AGO1: variants seen among roughly 807,000 people sequenced by gnomAD.
The protein encoded by AGO1 is protein argonaute-1.
Under a neutral mutation model 109.2 loss-of-function variants are expected in AGO1, and 11 were observed. That is an observed-to-expected ratio of 0.10 (90% CI 0.06 to 0.17). The LOEUF (loss-of-function observed/expected upper bound fraction) is 0.17, where lower values mean the gene tolerates loss of function less well. AGO1 is among the 10% of genes least tolerant of loss of function. The probability of loss-of-function intolerance (pLI) is 1.00; values close to 1 mark genes in which losing one functional copy is unlikely to be tolerated. For synonymous variants in AGO1, 422 were observed against 418.6 expected, an observed-to-expected ratio of 1.01 and a Z score of -0.10; for missense variants, 574 against 1,140.3, an observed-to-expected ratio of 0.50 and a Z score of 7.15.
In AGO1 at chr1:35,927,482, A is replaced by C. The variant is rs1232591929; in HGVS notation, c.*7875A>C. On this transcript the variant is annotated 3_prime_UTR_variant, in exon 19 of 19. Transcript: ENST00000373204. ...AATTCTGGGAAGGAAATGCTGACAG[A>C]ACCGTGTCTGGCAAAAGAGAGACAG... 2 of 152,164 alleles carry C rather than the reference A, an allele frequency of 1.3e-5. No individual in the cohort carries two copies. The highest frequency in any genetic ancestry group is 6.5e-5 in the Admixed American group (1 of 15,280). 9.4% of individuals were successfully genotyped at this position (152,164 alleles called of 1,614,324 possible).
At chr1:35,918,787 C>T (rs943914417) in intron 17 of AGO1, among the ~76,000 whole-genome samples, 1 of 152,170 alleles carries the variant, frequency 6.6e-6, no homozygotes, top group East Asian at 1.9e-4. Flanking sequence ...AACTCCTGAC[C>T]TCAAGTGATC....
In AGO1 at chr1:35,891,208, T is replaced by C. The variant is rs1057387142; in HGVS notation, c.210-1349T>C. 2.6e-5 allele frequency among the ~76,000 whole-genome samples: 4 copies of C among 152,246 alleles called. No homozygotes were observed. The South Asian group carries it at 6.2e-4, about 24-fold the overall frequency. ...GATTGAAACCATATGATCACAGTGC[T>C]TCTAATGTACCATTTTGAGTTATCC... is the stretch of plus-strand genomic sequence containing the variant. On this transcript the variant is annotated intron_variant, in intron 2 of 18. Coordinates refer to ENST00000373204, the MANE Select transcript of AGO1 (RefSeq NM_012199.5).
chr1:35,902,104 G>A (rs375150561), intron 10 of AGO1, 34 bp downstream of exon 10: 93 of 1,586,412 alleles, frequency 5.9e-5, no homozygotes, highest in Admixed American at 1.0e-4. Flanking sequence ...ACATCTCGGG[G>A]CATATGGGGG....
At chr1:35,895,378 A>C in intron 8 of AGO1, 109 bp downstream of exon 8, 1 of 1,253,466 alleles carries the variant, frequency 8.0e-7, no homozygotes, top group Non-Finnish European at 1.1e-6. Context: ...CATTCTGAGA[A>C]GGTATGAGGT....
Position 35,888,540 on chromosome 1 carries a change from A to G in AGO1, c.139A>G (p.Ile47Val). Reference sequence around the variant, plus strand: ...CCTGGCCAATTACTTTGAGGTGGACATCCCTAAGATCGACGTGTACCACTA... The same window carrying G: ...CCTGGCCAATTACTTTGAGGTGGACGTCCCTAAGATCGACGTGTACCACTA... The part of the protein sequence containing the change: ...KLLANYFEVD[I>V]PKIDVYHYEV... Residue 47 changes from isoleucine to valine, a missense_variant, in exon 2 of 19, where the codon ATC (isoleucine) becomes GTC (valine). Physicochemically the swap from Ile to Val is conservative, Grantham distance 29. Coordinates refer to ENST00000373204, the MANE Select transcript of AGO1 (RefSeq NM_012199.5). This position sits in a 1 kb window ranked among gnomAD's most constrained non-coding sequence, Gnocchi z 4.1. The G allele has an allele frequency of 6.2e-7, 1 of 1,614,238 alleles. No homozygotes were observed.
At chr1:35,912,360 G>GAAAA (rs753525049) in intron 12 of AGO1, among the ~76,000 whole-genome samples, 14 of 40,564 alleles carry the variant, frequency 3.5e-4, no homozygotes, top group African/African-American at 6.3e-4. Context: ...CTCTGTCTCA[G>GAAAA]AAAAAAAAAA....
intron 17 of AGO1, 110 bp downstream of exon 17, chr1:35,918,533 C>G (rs748750981): frequency 4.0e-5 from 38 of 951,564 alleles, no homozygotes; most frequent in Non-Finnish European, 6.3e-5. Flanking sequence ...TAGGATTGCT[C>G]TCTTTTCTGT....
intron 2 of AGO1, among the ~76,000 whole-genome samples, chr1:35,891,491 A>G (rs920014547): frequency 6.6e-6 from 1 of 151,994 alleles, no homozygotes; most frequent in Admixed American, 6.6e-5. Context: ...GGGATTAGAG[A>G]TCTGGGATTA....
chr1:35,894,478 C>T, intron 7 of AGO1, 76 bp downstream of exon 7: 10 of 1,390,212 alleles, frequency 7.2e-6, no homozygotes, highest in Non-Finnish European at 8.9e-6. Context: ...TTCCCTCCCT[C>T]CCTCCCCCAC....
chr1:35,911,328 A>C (rs1645629137), intron 12 of AGO1, among the ~76,000 whole-genome samples: 1 of 152,182 alleles, frequency 6.6e-6, no homozygotes, highest in African/African-American at 2.4e-5. Context: ...GATTTTAAAA[A>C]ATCATTCATA....
In AGO1 at chr1:35,920,668, T is replaced by A. The variant is rs534583086; in HGVS notation, c.*1061T>A. 1 of 152,638 alleles carries A rather than the reference T, an allele frequency of 6.6e-6. No homozygotes were observed. The highest frequency in any genetic ancestry group is 1.5e-5 in the Non-Finnish European group (1 of 68,058). The allele number at this position is 152,638 out of a possible 1,614,324, so 9.5% of individuals were successfully genotyped here. ...GACAGGCCCCTGGCCTTTCCACTTA[T>A]GCCTCCTTTTCTCCTTATTCCTCCT... On this transcript the variant is annotated 3_prime_UTR_variant, in exon 19 of 19. Transcript: ENST00000373204.
chr1:35,929,003 C>T lies in AGO1; in HGVS notation c.*9396C>T, dbSNP rs535270883. 1.3e-5 allele frequency: 2 copies of T among 152,356 alleles called. No homozygotes were observed. Among genetic ancestry groups the T allele is most frequent in the African/African-American group, 2.4e-5 (1 of 41,572 alleles). 9.4% of individuals were successfully genotyped at this position (152,356 alleles called of 1,614,324 possible). Reference sequence around the variant, plus strand: ...TCTTGAAGCTCATTTATTTATTCACCTATCTGTCCATCAATCCAACAAATA... The same window carrying T: ...TCTTGAAGCTCATTTATTTATTCACTTATCTGTCCATCAATCCAACAAATA... On this transcript the variant is annotated 3_prime_UTR_variant, in exon 19 of 19. Coordinates refer to ENST00000373204, the MANE Select transcript of AGO1 (RefSeq NM_012199.5).
At chr1:35,900,822 A>AT (rs959457923) in intron 8 of AGO1, among the ~76,000 whole-genome samples, 12 of 152,002 alleles carry the variant, frequency 7.9e-5, no homozygotes, top group African/African-American at 2.7e-4. Flanking sequence ...AGGCAGGAGA[A>AT]TTGCTTAAAC....
chr1:35,870,144 C>T (rs978320215), intron 1 of AGO1, among the ~76,000 whole-genome samples: 2 of 152,010 alleles, frequency 1.3e-5, no homozygotes, highest in African/African-American at 4.8e-5. Flanking sequence ...TACGTGTACC[C>T]CTCCGCCTGT....
At chr1:35,876,911 C>A (rs1387743556) in intron 1 of AGO1, among the ~76,000 whole-genome samples, 14 of 152,316 alleles carry the variant, frequency 9.2e-5, no homozygotes, top group Non-Finnish European at 4.4e-5. Context: ...CCTCAGCCTC[C>A]TGAGTAGTTG....
At chr1:35,915,580 T>C in intron 15 of AGO1, 38 bp downstream of exon 15, 1 of 1,586,464 alleles carries the variant, frequency 6.3e-7, no homozygotes, top group Non-Finnish European at 8.6e-7. Context: ...CTTCACATCA[T>C]GGCTGGAAAG....
chr1:35,919,463 C>T lies in AGO1; in HGVS notation c.2466-36C>T. ...AGGGAATTAGCAGCAGCTCTCAGTT[C>T]ACCAGGAAGGACTTCTTTCATTTTT... On this transcript the variant is annotated intron_variant, in intron 18 of 18. Coordinates refer to ENST00000373204, the MANE Select transcript of AGO1 (RefSeq NM_012199.5). The surrounding 1 kb of genome is among the most constrained non-coding windows in gnomAD (Gnocchi z 6.6). 6.3e-7 allele frequency: 1 copy of T among 1,579,040 alleles called. No homozygotes were observed. Among genetic ancestry groups the T allele is most frequent in the Non-Finnish European group, 8.6e-7 (1 of 1,157,310 alleles).
intron 7 of AGO1, among the ~76,000 whole-genome samples, chr1:35,894,890 C>G (rs916773499): frequency 2.0e-5 from 3 of 152,154 alleles, no homozygotes; most frequent in Non-Finnish European, 4.4e-5. Context: ...GTGGAACTTG[C>G]CTTTCAAACC....
upstream of AGO1, among the ~76,000 whole-genome samples, chr1:35,878,224 T>C (rs1178208561): frequency 6.6e-6 from 1 of 151,788 alleles, no homozygotes; most frequent in Non-Finnish European, 1.5e-5. Flanking sequence ...GCTGGGACTT[T>C]AGGCACCCAC....
Sources: gnomAD v4.1 joint callset for allele counts (sites outside exome capture counted in the v4.1 genomes callset) on GRCh38, gnomAD v4.1.1 for gene constraint, Gnocchi (gnomAD v3.1) non-coding constraint, MANE v1.5 for transcripts, NCBI Gene and HGNC (gene_info 2026-07-23, HGNC 2026-07-21) for gene names.